PARD3B: variants seen among roughly 807,000 people sequenced by gnomAD.
PARD3B encodes par-3 family cell polarity regulator beta.
In PARD3B, 103 loss-of-function variants were observed where a neutral mutation model predicts 130.2. That is an observed-to-expected ratio of 0.79 (90% confidence interval 0.67 to 0.93). PARD3B has a LOEUF of 0.93. Ranked by LOEUF, PARD3B falls within the 40% of genes least tolerant of loss-of-function variation. The pLI, the probability that PARD3B is intolerant of heterozygous loss-of-function variation, is 0.00. For synonymous variants in PARD3B, 583 were observed against 553.2 expected (o/e 1.05, Z -0.76); for missense variants, 1,609 against 1,499.2 (o/e 1.07, Z -1.21).
intron 18 of PARD3B, among the ~76,000 whole-genome samples, chr2:205,344,439 C>A (rs1354841106): frequency 6.6e-6 from 1 of 152,104 alleles, no homozygotes; most frequent in African/African-American, 2.4e-5. Context: ...ATGCTTCAGC[C>A]TTCCAGTATC....
intron 1 of PARD3B, among the ~76,000 whole-genome samples, chr2:204,553,640 T>A (rs371529795): frequency 5.1e-5 from 4 of 77,712 alleles, no homozygotes; most frequent in South Asian, 3.7e-4. Flanking sequence ...GGATATATAT[T>A]TATATATATC....
chr2:205,238,888 ATATATATATATATATATATATGTATGTG>A (rs1559575145), intron 15 of PARD3B, among the ~76,000 whole-genome samples: 1 of 69,474 alleles, frequency 1.4e-5, no homozygotes, highest in Admixed American at 1.3e-4. Flanking sequence ...GTATGTGTGT[ATATATATATATATATATATATGTATGTG>A]TATATATATA....
At chr2:205,499,210 GA>G (rs2050062314) in intron 20 of PARD3B, among the ~76,000 whole-genome samples, 1 of 151,794 alleles carries the variant, frequency 6.6e-6, no homozygotes, top group African/African-American at 2.4e-5. Flanking sequence ...GGGTTGGGCA[GA>G]TGAGTTACTG....
At chr2:204,983,588 A>G (rs892203229) in intron 3 of PARD3B, among the ~76,000 whole-genome samples, 11 of 152,202 alleles carry the variant, frequency 7.2e-5, no homozygotes, top group African/African-American at 2.2e-4. Context: ...CCAACCTGCC[A>G]TATTGACTAT....
At chr2:205,478,944 G>A (rs781764635) in intron 20 of PARD3B, among the ~76,000 whole-genome samples, 3 of 152,190 alleles carry the variant, frequency 2.0e-5, no homozygotes, top group Non-Finnish European at 4.4e-5. Context: ...AATTCTTATA[G>A]GAGCTGATGG....
Position 205,460,166 on chromosome 2 carries a change from A to C in PARD3B, c.3044+19494A>C, listed in dbSNP as rs1677530348. The stretch of plus-strand genomic sequence containing the variant: ...AGTCTCAAAACTAATTCACTAGAAA[A>C]CATTTAAAATGTAAAGCAATAGACT... On this transcript the variant is annotated intron_variant, in intron 20 of 22. Coordinates refer to ENST00000406610, the MANE Select transcript of PARD3B (RefSeq NM_001302769.2). This position sits in a 1 kb window ranked among gnomAD's most constrained non-coding sequence, Gnocchi z 4.9. Among the ~76,000 whole-genome samples, 1 of 152,176 alleles carries C rather than the reference A, an allele frequency of 6.6e-6. No individual in the cohort carries two copies. The highest frequency in any genetic ancestry group is 1.5e-5 in the Non-Finnish European group (1 of 68,042).
chr2:205,156,251 G>A (rs1406590163), intron 10 of PARD3B, among the ~76,000 whole-genome samples: 14 of 121,354 alleles, frequency 1.2e-4, no homozygotes, highest in Non-Finnish European at 1.8e-4. Context: ...ATCACACTCT[G>A]GGGACTGTTG....
chr2:205,310,863 A>T (rs1438266290), intron 18 of PARD3B, among the ~76,000 whole-genome samples: 1 of 150,772 alleles, frequency 6.6e-6, no homozygotes, highest in East Asian at 2.0e-4. Context: ...AGCTGGGGTT[A>T]CAGGTGCCTG....
intron 3 of PARD3B, among the ~76,000 whole-genome samples, chr2:205,028,481 C>A (rs1479240952): frequency 6.6e-6 from 1 of 152,004 alleles, no homozygotes; most frequent in East Asian, 1.9e-4. Context: ...AAGCCCACAC[C>A]TAATATAATA....
intron 2 of PARD3B, among the ~76,000 whole-genome samples, chr2:204,838,480 G>A (rs545331939): frequency 6.6e-6 from 1 of 152,052 alleles, no homozygotes; most frequent in South Asian, 2.1e-4. Flanking sequence ...CTCCCAAACT[G>A]TTGGGATTAC....
In PARD3B at chr2:205,091,998, G is replaced by A. The variant is rs545623904; in HGVS notation, c.505-12428G>A. 2.6e-4 allele frequency among the ~76,000 whole-genome samples: 40 copies of A among 152,186 alleles called. No homozygotes were observed. In the South Asian group the frequency reaches 2.7e-3, roughly 10 times the overall value. ...GATATAGTTTTGTTGAATAATGAGC[G>A]TTACCCAAAAACCTTTCCCTTGAAT... On this transcript the variant is annotated intron_variant, in intron 4 of 22. Coordinates refer to ENST00000406610, the MANE Select transcript of PARD3B (RefSeq NM_001302769.2). The surrounding 1 kb of genome is among the most constrained non-coding windows in gnomAD (Gnocchi z 4.2).
chr2:205,378,361 G>A (rs2045154255), intron 18 of PARD3B, among the ~76,000 whole-genome samples: 1 of 152,182 alleles, frequency 6.6e-6, no homozygotes, highest in Admixed American at 6.5e-5. Context: ...GGAGGCCTGG[G>A]TACTGGATAC....
At chr2:205,305,646 C>G (rs1287361059) in intron 18 of PARD3B, among the ~76,000 whole-genome samples, 1 of 152,182 alleles carries the variant, frequency 6.6e-6, no homozygotes, top group African/African-American at 2.4e-5. Context: ...ATTACAGGCT[C>G]TGCCTACAGA....
intron 2 of PARD3B, among the ~76,000 whole-genome samples, chr2:204,862,994 A>T (rs2045271752): frequency 6.6e-6 from 1 of 152,038 alleles, no homozygotes. Context: ...CGGAGGCTCC[A>T]CCCCGTCCTC....
chr2:204,982,626 C>T (rs562588126), intron 3 of PARD3B, among the ~76,000 whole-genome samples: 2 of 152,346 alleles, frequency 1.3e-5, no homozygotes, highest in African/African-American at 2.4e-5. Flanking sequence ...CACTCTAACA[C>T]TCACAATCTT....
chr2:205,547,348 C>T (rs1170406790), intron 21 of PARD3B, among the ~76,000 whole-genome samples: 1 of 152,096 alleles, frequency 6.6e-6, no homozygotes, highest in African/African-American at 2.4e-5. Context: ...ATCTCATTGC[C>T]GATTCCAAAC....
chr2:204,956,978 C>T (rs1690294498), intron 2 of PARD3B, among the ~76,000 whole-genome samples: 3 of 152,276 alleles, frequency 2.0e-5, no homozygotes, highest in Admixed American at 1.3e-4. Flanking sequence ...CTTTGCCCTA[C>T]CACTGCTAGA....
intron 15 of PARD3B, among the ~76,000 whole-genome samples, chr2:205,226,217 G>A (rs1486541376): frequency 1.3e-5 from 2 of 151,924 alleles, no homozygotes; most frequent in Non-Finnish European, 2.9e-5. Context: ...AATTTTTTGT[G>A]TTTTTAGTAG....
chr2:204,663,527 A>G lies in PARD3B; in HGVS notation c.121-22654A>G, dbSNP rs1168615954. On this transcript the variant is annotated intron_variant, in intron 1 of 22. Transcript: ENST00000406610. The stretch of plus-strand genomic sequence containing the variant: ...CTTATTAGTTGGCTTGGATTTTAAA[A>G]TATAAAGATCGTATTGAAGGTAGAT... Among the ~76,000 whole-genome samples, 3 of 152,238 alleles carry G rather than the reference A, an allele frequency of 2.0e-5. No individual in the cohort carries two copies. In the East Asian group the frequency reaches 5.8e-4, roughly 29 times the overall value.
Sources: gnomAD v4.1 joint callset for allele counts (sites outside exome capture counted in the v4.1 genomes callset) on GRCh38, gnomAD v4.1.1 for gene constraint, Gnocchi (gnomAD v3.1) non-coding constraint, MANE v1.5 for transcripts, NCBI Gene and HGNC (gene_info 2026-07-23, HGNC 2026-07-21) for gene names.